The following RGP1 variants were observed in gnomAD, a reference collection of about 807,000 sequenced individuals.
RGP1 encodes RGP1 partner of RAB6A GEF complex.
In RGP1, 28 loss-of-function variants were observed where a neutral mutation model predicts 44.5. The observed-to-expected ratio is 0.63, with a 90% CI of 0.47 to 0.86. The LOEUF (loss-of-function observed/expected upper bound fraction) is 0.86, where lower values mean the gene tolerates loss of function less well. Ranked by LOEUF, RGP1 falls within the 40% of genes least tolerant of loss-of-function variation. RGP1 has a pLI of 0.00. For synonymous variants in RGP1, 212 were observed against 196.7 expected, an observed-to-expected ratio of 1.08 and a Z score of -0.65; for missense variants, 417 against 490.7, an observed-to-expected ratio of 0.85 and a Z score of 1.42.
chr9:35,752,159 TG>T lies in RGP1; in HGVS notation c.952+15del. ...GTACAGCCATTGGTGAGACCCTCAC[TG>T]TTACTGGAGAAGGGAGAGGGGGACA... On this transcript the variant is annotated intron_variant, in intron 8 of 8. Coordinates refer to ENST00000378078, the MANE Select transcript of RGP1 (RefSeq NM_001080496.3). 1 of 1,534,406 alleles carries T rather than the reference TG, an allele frequency of 6.5e-7. No homozygotes were observed. Among genetic ancestry groups the T allele is most frequent in the East Asian group, 2.3e-5 (1 of 44,266 alleles).
At chr9:35,789,199 G>A in the RGP1 span, among the ~76,000 whole-genome samples, 2 of 151,634 alleles carry the variant, frequency 1.3e-5, no homozygotes, top group Admixed American at 6.6e-5. Context: ...TGTGTTTTTA[G>A]TAGAGACGAG....
chr9:35,780,532 G>A, the RGP1 span: 1 of 152,188 alleles, frequency 6.6e-6, no homozygotes, highest in South Asian at 2.1e-4. Context: ...TGAATCCATT[G>A]TTCCACCTTT....
chr9:35,766,338 T>G, the RGP1 span, among the ~76,000 whole-genome samples: 1 of 152,148 alleles, frequency 6.6e-6, no homozygotes, highest in Non-Finnish European at 1.5e-5. Context: ...TTTGGCTTCT[T>G]GTTACTGAGT....
chr9:35,750,889 T>G lies in RGP1; in HGVS notation c.387T>G (p.Gly129=). 1 of 1,613,894 alleles carries G rather than the reference T, an allele frequency of 6.2e-7. No individual in the cohort carries two copies. Among genetic ancestry groups the G allele is most frequent in the East Asian group, 2.2e-5 (1 of 44,882 alleles). The change falls in exon 5 of 9, where the codon GGT becomes GGG. Residue 129 remains glycine, a synonymous_variant. Transcript: ENST00000378078. ...TAGAGGGACCACCCTCCTTTCGGGG[T>G]CAGTCAGTCAAGTACGTCTACAAAC... ...LPIEGPPSFR[G]QSVKYVYKLT... is the part of the protein sequence containing the mutation.
At position 35,750,237 on chromosome 9, in the gene RGP1, C is replaced by T. The variant is rs1358590108; in HGVS notation, c.117-6C>T. ...CCTCTGATGCCTCCTTTTCCTTTTCCCACAGTGAGGCCCTGGCCTGGGCCA... is the reference window on the plus strand; with the variant it reads ...CCTCTGATGCCTCCTTTTCCTTTTCTCACAGTGAGGCCCTGGCCTGGGCCA... On this transcript the variant is annotated splice_region_variant and splice_polypyrimidine_tract_variant and intron_variant, in intron 2 of 8. Transcript: ENST00000378078. The T allele has an allele frequency of 1.2e-6, 2 of 1,612,096 alleles. No individual in the cohort carries two copies. Among genetic ancestry groups the T allele is most frequent in the Non-Finnish European group, 1.7e-6 (2 of 1,179,302 alleles).
downstream of RGP1, among the ~76,000 whole-genome samples, chr9:35,759,379 A>G (rs937879775): frequency 2.0e-5 from 3 of 152,010 alleles, no homozygotes; most frequent in African/African-American, 7.3e-5. Flanking sequence ...AGCCTGGCCA[A>G]CATGGTGAAA....
In RGP1 at chr9:35,749,777, C is replaced by T; in HGVS notation, c.22C>T (p.Leu8Phe). 1 of 1,613,674 alleles carries T rather than the reference C, an allele frequency of 6.2e-7. No individual in the cohort carries two copies. Among genetic ancestry groups the T allele is most frequent in the South Asian group, 1.1e-5 (1 of 91,032 alleles). Residue 8 changes from leucine to phenylalanine, a missense_variant, in exon 2 of 9, where the codon CTC becomes TTC. By Grantham distance (22) the Leu-to-Phe change is conservative. Coordinates refer to ENST00000378078, the MANE Select transcript of RGP1 (RefSeq NM_001080496.3). The surrounding 1 kb of genome is among the most constrained non-coding windows in gnomAD (Gnocchi z 4.4). MIEVVAE[L>F]SRGPVFLAGE... The stretch of plus-strand genomic sequence containing the variant: ...TGCCATGATTGAAGTGGTAGCAGAG[C>T]TCAGCCGGGGTCCTGTATTTTTGGC...
chr9:35,766,668 T>C, the RGP1 span, among the ~76,000 whole-genome samples: 2 of 152,214 alleles, frequency 1.3e-5, no homozygotes, highest in African/African-American at 4.8e-5. Context: ...ATCGCATGCT[T>C]AATTTTGTTC....
intron 5 of RGP1, 119 bp downstream of exon 5, chr9:35,751,108 G>A: frequency 1.4e-6 from 2 of 1,474,712 alleles, no homozygotes; most frequent in Admixed American, 1.8e-5. Flanking sequence ...ACAGTGCTAG[G>A]GAGTTGGGAA....
At chr9:35,775,236 G>A in the RGP1 span, among the ~76,000 whole-genome samples, 2,797 of 152,282 alleles carry the variant, frequency 0.018, 66 homozygotes, top group African/African-American at 0.064. Context: ...AAACCAGAGG[G>A]CATTTAATCC....
rs748138295 is a variant in RGP1 at position 35,751,376 on chromosome 9, G to T, written c.598G>T (p.Glu200Ter). The change falls in exon 6 of 9, where the codon GAA (glutamate) becomes TAA (stop). Residue 200 changes from glutamate (E) to a stop codon, truncating the protein, a stop_gained. Coordinates refer to ENST00000378078, the MANE Select transcript of RGP1 (RefSeq NM_001080496.3). LOFTEE classifies it high-confidence loss of function. ...TTCATGGCTAGCTGAGCTGGCTGGG[G>T]AACGCCTAATGGCTGCCACATCCTG... Reference protein sequence around the residue: ...KDSWLAELAGERLMAATSCRS... With the variant: ...KDSWLAELAG 2 of 1,613,962 alleles carry T rather than the reference G, an allele frequency of 1.2e-6. No homozygotes were observed. The highest frequency in any genetic ancestry group is 8.5e-7 in the Non-Finnish European group (1 of 1,179,884).
At position 35,753,264 on chromosome 9, in the gene RGP1, C is replaced by T. The variant is rs182933098; in HGVS notation, c.*390C>T. 9 of 1,613,774 alleles carry T rather than the reference C, an allele frequency of 5.6e-6. No homozygotes were observed. Among genetic ancestry groups the T allele is most frequent in the Admixed American group, 5.0e-5 (3 of 60,012 alleles). On this transcript the variant is annotated 3_prime_UTR_variant, in exon 9 of 9. Coordinates refer to ENST00000378078, the MANE Select transcript of RGP1 (RefSeq NM_001080496.3). This position sits in a 1 kb window ranked among gnomAD's most constrained non-coding sequence, Gnocchi z 4.2. ...CGTACCTCACACCCAGCCGGGAAGT[C>T]GATGGGATGCTGGGACCTGGGGAAC... is the stretch of plus-strand genomic sequence containing the variant.
downstream of RGP1, among the ~76,000 whole-genome samples, chr9:35,762,865 T>TA (rs397978318): frequency 0.049 from 7,186 of 148,012 alleles, 504 homozygotes; most frequent in African/African-American, 0.16. Context: ...GTTCTGCTGT[T>TA]AAAAAAAAAA....
the RGP1 span, among the ~76,000 whole-genome samples, chr9:35,780,755 G>A: frequency 1.3e-5 from 2 of 151,864 alleles, no homozygotes; most frequent in African/African-American, 4.8e-5. Context: ...AACCAGGCGT[G>A]GTGGTGTGCA....
rs1354316371 is a variant in RGP1, at chr9:35,751,633, A to G, written c.641A>G (p.Tyr214Cys). ...AATSCRSLHL[Y>C]NISDGRGKVG... ...AGTGTCCTATTCTCCCCAGATCTATACAATATCAGTGATGGCCGAGGGAAA... is the reference window on the plus strand; with the variant it reads ...AGTGTCCTATTCTCCCCAGATCTATGCAATATCAGTGATGGCCGAGGGAAA... Residue 214 changes from tyrosine to cysteine, a missense_variant, in exon 7 of 9, where the codon TAC becomes TGC. Tyr to Cys is a radical substitution (Grantham distance 194). Coordinates refer to ENST00000378078, the MANE Select transcript of RGP1 (RefSeq NM_001080496.3). 6.2e-7 allele frequency: 1 copy of G among 1,613,884 alleles called. No individual in the cohort carries two copies. Among genetic ancestry groups the G allele is most frequent in the African/African-American group, 1.3e-5 (1 of 74,924 alleles).
the RGP1 span, among the ~76,000 whole-genome samples, chr9:35,766,361 T>G: frequency 6.6e-6 from 1 of 152,142 alleles, no homozygotes; most frequent in Non-Finnish European, 1.5e-5. Context: ...TAAGAGTTCT[T>G]TATATATTCT....
In RGP1 at chr9:35,754,154, C is replaced by G; in HGVS notation, c.*1280C>G. 1 of 1,598,602 alleles carries G rather than the reference C, an allele frequency of 6.3e-7. No homozygotes were observed. The highest frequency in any genetic ancestry group is 8.5e-7 in the Non-Finnish European group (1 of 1,170,464). ...TTGCTGCTGCACAGCCCTCTCAGAC[C>G]CTTCTTGGCCTCTGCTCAGCTACTC... On this transcript the variant is annotated 3_prime_UTR_variant, in exon 9 of 9. Coordinates refer to ENST00000378078, the MANE Select transcript of RGP1 (RefSeq NM_001080496.3).
chr9:35,770,134 G>A, the RGP1 span, among the ~76,000 whole-genome samples: 2 of 152,178 alleles, frequency 1.3e-5, no homozygotes, highest in South Asian at 2.1e-4. Context: ...ACTGCATAGG[G>A]TAGAGGTAGT....
At position 35,750,644 on chromosome 9, in the gene RGP1, T is replaced by C. The variant is rs991157282; in HGVS notation, c.254-14T>C. On this transcript the variant is annotated splice_polypyrimidine_tract_variant and intron_variant, in intron 3 of 8. Coordinates refer to ENST00000378078, the MANE Select transcript of RGP1 (RefSeq NM_001080496.3). ...ACAATGGGTCATTAAATTAGTCATT[T>C]TTACCTTTTTCAGGTGAGAGGGGCC... is the stretch of plus-strand genomic sequence containing the variant. 3.2e-5 allele frequency: 52 copies of C among 1,613,502 alleles called. No individual in the cohort carries two copies. The highest frequency in any genetic ancestry group is 4.3e-5 in the Non-Finnish European group (51 of 1,179,554).
Sources: gnomAD v4.1 joint callset for allele counts (sites outside exome capture counted in the v4.1 genomes callset) on GRCh38, gnomAD v4.1.1 for gene constraint, Gnocchi (gnomAD v3.1) non-coding constraint, MANE v1.5 for transcripts, NCBI Gene and HGNC (gene_info 2026-07-23, HGNC 2026-07-21) for gene names.